The following MYH3 variants were observed in gnomAD, a reference collection of about 807,000 sequenced individuals.
MYH3 encodes myosin-3.
Under a neutral mutation model 238.0 loss-of-function variants are expected in MYH3, and 130 were observed. That is an observed-to-expected ratio of 0.55 (90% confidence interval 0.47 to 0.63). The LOEUF is 0.63. Ranked by LOEUF, MYH3 falls within the 30% of genes least tolerant of loss-of-function variation. The pLI is 0.00. For missense variants in MYH3, 1,853 were observed against 2,374.9 expected, an observed-to-expected ratio of 0.78 and a Z score of 4.57; for synonymous variants, 880 against 924.1, an observed-to-expected ratio of 0.95 and a Z score of 0.86.
intron 22 of MYH3, 27 bp from the exon 23 acceptor site, chr17:10,639,829 G>A (rs200392242): frequency 2.5e-5 from 40 of 1,612,374 alleles, no homozygotes; most frequent in Middle Eastern, 1.6e-4. Flanking sequence ...TAATAACTTC[G>A]TTGAATGATA....
At chr17:10,652,072 T>G (rs1009135430) in intron 4 of MYH3, 2 of 398,694 alleles carry the variant, frequency 5.0e-6, no homozygotes, top group African/African-American at 4.1e-5. Flanking sequence ...TTCTTTGGGA[T>G]AAACTTATAA....
At chr17:10,655,774 CTT>C (rs1017309733) in intron 2 of MYH3, among the ~76,000 whole-genome samples, 26 of 152,294 alleles carry the variant, frequency 1.7e-4, no homozygotes, top group African/African-American at 6.3e-4. Context: ...GCCTCAGTCT[CTT>C]GAGTAGCTGG....
chr17:10,643,319 T>C (rs1166380531), intron 14 of MYH3, among the ~76,000 whole-genome samples: 1 of 152,246 alleles, frequency 6.6e-6, no homozygotes, highest in African/African-American at 2.4e-5. Flanking sequence ...TTTTTTCACC[T>C]GTATGTCTTG....
chr17:10,658,255 C>CA, upstream of MYH3, among the ~76,000 whole-genome samples: 1 of 151,940 alleles, frequency 6.6e-6, no homozygotes, highest in East Asian at 1.9e-4. Context: ...TCTCGTTCTA[C>CA]TTTTTTTTTC....
At chr17:10,633,982 AAGG>A (rs2074189337) in intron 32 of MYH3, 32 bp downstream of exon 32, 1 of 1,610,524 alleles carries the variant, frequency 6.2e-7, no homozygotes, top group Non-Finnish European at 8.5e-7. Flanking sequence ...TAGAGCATGA[AAGG>A]AGGAGGTTTC....
chr17:10,668,989 A>G, the MYH3 span, among the ~76,000 whole-genome samples: 1 of 152,138 alleles, frequency 6.6e-6, no homozygotes, highest in East Asian at 1.9e-4. Flanking sequence ...TTTGTTTCTT[A>G]TCTCCTCTGA....
chr17:10,655,060 C>T lies in MYH3; in HGVS notation c.5G>A (p.Ser2Asn), dbSNP rs2074415028. M[S>N]SDTEMEVFGI... ...GAACACTTCCATTTCAGTGTCACTA[C>T]TCATGGTGTCAGCTGGAAGGCAAAC... Residue 2 changes from serine (S) to asparagine (N), a missense_variant, in exon 3 of 41, where the codon AGT becomes AAT. By Grantham distance (46) the Ser-to-Asn change is conservative. Around this residue, in one of 3 missense-constraint regions of MYH3, gnomAD observed 131 missense variants for 123.5 expected, o/e 1.06. Coordinates refer to ENST00000583535, the MANE Select transcript of MYH3 (RefSeq NM_002470.4). 6.2e-7 allele frequency: 1 copy of T among 1,614,148 alleles called. No individual in the cohort carries two copies. Among genetic ancestry groups the T allele is most frequent in the Non-Finnish European group, 8.5e-7 (1 of 1,180,016 alleles).
chr17:10,644,453 C>T lies in MYH3; in HGVS notation c.1308G>A (p.Leu436=). 6.2e-7 allele frequency: 1 copy of T among 1,614,152 alleles called. No individual in the cohort carries two copies. Among genetic ancestry groups the T allele is most frequent in the Non-Finnish European group, 8.5e-7 (1 of 1,179,978 alleles). The change falls in exon 14 of 41, where the codon TTG becomes TTA. Residue 436 remains leucine, a synonymous_variant. Transcript: ENST00000583535. The part of the protein sequence containing the change: ...NALSKSVYEK[L]FLWMVTRINQ... ...TAATGCGAGTGACCATCCACAAGAACAACTTTTCATAAACTGATTTTGAAA... is the reference window on the plus strand; with the variant it reads ...TAATGCGAGTGACCATCCACAAGAATAACTTTTCATAAACTGATTTTGAAA...
the MYH3 span, among the ~76,000 whole-genome samples, chr17:10,663,892 G>A: frequency 1.3e-5 from 2 of 151,704 alleles, no homozygotes; most frequent in African/African-American, 2.4e-5. Flanking sequence ...GTGAAATGCC[G>A]TCTTTACTAA....
At chr17:10,648,921 C>T (rs111683681) in intron 7 of MYH3, among the ~76,000 whole-genome samples, 6 of 152,232 alleles carry the variant, frequency 3.9e-5, no homozygotes, top group Non-Finnish European at 5.9e-5. Context: ...GTGATCCACC[C>T]GCCTCGGCCT....
chr17:10,665,449 CTTTAA>C, the MYH3 span, among the ~76,000 whole-genome samples: 61 of 152,206 alleles, frequency 4.0e-4, no homozygotes, highest in African/African-American at 1.3e-3. Context: ...AGACTATAAC[CTTTAA>C]TTTAACACTG....
At chr17:10,640,981 T>A in intron 19 of MYH3, 104 bp downstream of exon 19, 1 of 1,000,340 alleles carries the variant, frequency 1.0e-6, no homozygotes. Context: ...GAGGTCCATA[T>A]CTGTTCTTTC....
rs369562109 is a variant in MYH3 at position 10,650,473 on chromosome 17, A to G, written c.506-72T>C. 13 of 1,383,992 alleles carry G rather than the reference A, an allele frequency of 9.4e-6. 1 individual carries two copies. 85.7% of individuals were successfully genotyped at this position (1,383,992 alleles called of 1,614,324 possible). A position where few individuals can be genotyped will look rare whatever the true frequency, so the allele number is the denominator to read the frequency against. On this transcript the variant is annotated intron_variant, in intron 5 of 40. Transcript: ENST00000583535. ...GCTTCCCGATTCTACCCAACTCTCA[A>G]GTAGCCAGAGTTAAATTGCACAATT...
At chr17:10,651,165 A>C (rs1278541578) in intron 5 of MYH3, among the ~76,000 whole-genome samples, 1 of 143,750 alleles carries the variant, frequency 7.0e-6, no homozygotes, top group Non-Finnish European at 1.5e-5. Flanking sequence ...AGCCTGGGCA[A>C]CATAGCAAGA....
intron 1 of MYH3, among the ~76,000 whole-genome samples, chr17:10,657,000 C>T (rs1430249011): frequency 6.6e-6 from 1 of 152,122 alleles, no homozygotes; most frequent in Admixed American, 6.5e-5. Flanking sequence ...CCAAAAGGAT[C>T]CTGCCCAAGA....
chr17:10,643,521 G>A (rs553145885), intron 14 of MYH3, among the ~76,000 whole-genome samples: 2 of 151,994 alleles, frequency 1.3e-5, no homozygotes, highest in Non-Finnish European at 2.9e-5. Context: ...AACTACAGGC[G>A]CACGCCACCA....
rs2142398317 is a variant in MYH3 at position 10,639,407 on chromosome 17, T to G, written c.2993A>C (p.Lys998Thr). 1.9e-6 allele frequency: 3 copies of G among 1,614,148 alleles called. No homozygotes were observed. Among genetic ancestry groups the G allele is most frequent in the South Asian group, 1.1e-5 (1 of 91,076 alleles). ...CTGCTGGTGCGCCTCTTGGAGGGCC[T>G]TCTTCTCTCTGGTTAACTTTGCAAT... ...ETIAKLTREK[K>T]ALQEAHQQAL... The change falls in exon 24 of 41, where the codon AAG becomes ACG. Residue 998 changes from lysine (K) to threonine (T), a missense_variant. Lys to Thr is a moderately conservative substitution (Grantham distance 78, BLOSUM62 -1). Around this residue, in one of 3 missense-constraint regions of MYH3, gnomAD observed 1,044 missense variants for 1,192.6 expected, o/e 0.88. Transcript: ENST00000583535.
At position 10,644,431 on chromosome 17, in the gene MYH3, T is replaced by G; in HGVS notation, c.1330A>C (p.Ile444Leu). ...AGCTTCGTATCCAGTTGCTGGTTAATGCGAGTGACCATCCACAAGAACAAC... is the reference window on the plus strand; with the variant it reads ...AGCTTCGTATCCAGTTGCTGGTTAAGGCGAGTGACCATCCACAAGAACAAC... Reference protein sequence around the residue: ...EKLFLWMVTRINQQLDTKLPR... With the variant: ...EKLFLWMVTRLNQQLDTKLPR... Residue 444 changes from isoleucine to leucine, a missense_variant, in exon 14 of 41, where the codon ATT (isoleucine) becomes CTT (leucine). Transcript: ENST00000583535. The G allele has an allele frequency of 6.2e-7, 1 of 1,614,106 alleles. No homozygotes were observed. The highest frequency in any genetic ancestry group is 8.5e-7 in the Non-Finnish European group (1 of 1,179,920).
chr17:10,628,733 A>C (rs1173516702), intron 40 of MYH3, 54 bp from the exon 41 acceptor site: 9 of 1,592,474 alleles, frequency 5.7e-6, no homozygotes, highest in Non-Finnish European at 7.8e-6. Flanking sequence ...ACACATTCCC[A>C]CCCACCACTT....
Sources: gnomAD v4.1 joint callset for allele counts (sites outside exome capture counted in the v4.1 genomes callset) on GRCh38, gnomAD v4.1.1 for gene constraint, gnomAD v4.1.1 regional missense constraint, MANE v1.5 for transcripts, NCBI Gene and HGNC (gene_info 2026-07-23, HGNC 2026-07-21) for gene names.